The following CFAP95 variants were observed in gnomAD, a reference collection of about 807,000 sequenced individuals.
CFAP95 encodes the protein cilia- and flagella-associated protein 95.
At chr9:69,852,228 G>C in the CFAP95 span, among the ~76,000 whole-genome samples, 1 of 151,902 alleles carries the variant, frequency 6.6e-6, no homozygotes, top group African/African-American at 2.4e-5. Context: ...CTGCTTAACA[G>C]GCTAAAATAA....
chr9:69,863,504 G>A, the CFAP95 span, among the ~76,000 whole-genome samples: 1 of 152,126 alleles, frequency 6.6e-6, no homozygotes, highest in African/African-American at 2.4e-5. Context: ...TAATTTGAAA[G>A]TACTCTTTAT....
At chr9:69,897,548 G>T in the CFAP95 span, among the ~76,000 whole-genome samples, 1 of 152,024 alleles carries the variant, frequency 6.6e-6, no homozygotes, top group Non-Finnish European at 1.5e-5. Context: ...GAAATGAAAG[G>T]TCCTAAAGAA....
chr9:69,826,518 T>C, the CFAP95 span, among the ~76,000 whole-genome samples: 1 of 152,168 alleles, frequency 6.6e-6, no homozygotes, highest in African/African-American at 2.4e-5. Context: ...TAAGGACCCT[T>C]GGTAACAACA....
the CFAP95 span, among the ~76,000 whole-genome samples, chr9:69,859,300 T>A: frequency 6.6e-6 from 1 of 152,140 alleles, no homozygotes; most frequent in African/African-American, 2.4e-5. Context: ...ACTCTACCAT[T>A]GAATTATCTT....
the CFAP95 span, among the ~76,000 whole-genome samples, chr9:69,887,202 T>C: frequency 1.3e-5 from 2 of 152,376 alleles, no homozygotes; most frequent in South Asian, 4.1e-4. Flanking sequence ...CCACTTTCTA[T>C]TCATTTGTAT....
At chr9:69,855,774 A>G in the CFAP95 span, among the ~76,000 whole-genome samples, 1 of 152,206 alleles carries the variant, frequency 6.6e-6, no homozygotes, top group Non-Finnish European at 1.5e-5. Flanking sequence ...TATAACCATG[A>G]TACTCTTGCA....
the CFAP95 span, among the ~76,000 whole-genome samples, chr9:69,899,062 T>C: frequency 6.6e-6 from 1 of 152,214 alleles, no homozygotes; most frequent in African/African-American, 2.4e-5. Context: ...TAATGCCCAC[T>C]CATTCCACAC....
At chr9:69,881,480 G>A in the CFAP95 span, among the ~76,000 whole-genome samples, 5 of 152,164 alleles carry the variant, frequency 3.3e-5, no homozygotes, top group African/African-American at 9.7e-5. Flanking sequence ...CTGTAGGTGT[G>A]TGGATTTGTT....
the CFAP95 span, among the ~76,000 whole-genome samples, chr9:69,854,589 G>A: frequency 2.6e-5 from 4 of 152,288 alleles, no homozygotes; most frequent in South Asian, 8.3e-4. Context: ...TATACCAAGT[G>A]TTCTTCATTT....
chr9:69,849,898 T>TA, the CFAP95 span, among the ~76,000 whole-genome samples: 1 of 152,334 alleles, frequency 6.6e-6, no homozygotes, highest in East Asian at 1.9e-4. Context: ...TATAGTCTTT[T>TA]ACCTGGACTT....
At chr9:69,840,792 TTGGGGC>T in the CFAP95 span, among the ~76,000 whole-genome samples, 1 of 152,144 alleles carries the variant, frequency 6.6e-6, no homozygotes, top group African/African-American at 2.4e-5. Flanking sequence ...AGGGGCAGAT[TTGGGGC>T]TGTGAATCTC....
At chr9:69,830,954 C>T in the CFAP95 span, among the ~76,000 whole-genome samples, 2 of 152,290 alleles carry the variant, frequency 1.3e-5, no homozygotes, top group South Asian at 2.1e-4. Context: ...GCCATTGCAT[C>T]CAGACTTCTT....
chr9:69,894,147 A>T, the CFAP95 span, among the ~76,000 whole-genome samples: 3 of 152,198 alleles, frequency 2.0e-5, no homozygotes, highest in Admixed American at 1.3e-4. Flanking sequence ...CACATGTCAT[A>T]CATATGTGTG....
the CFAP95 span, chr9:69,902,399 T>C: frequency 2.3e-6 from 1 of 444,380 alleles, no homozygotes; most frequent in African/African-American, 2.0e-5. Context: ...GTGAGTGGGA[T>C]TACAAGGATA....
chr9:69,825,450 G>A, the CFAP95 span, among the ~76,000 whole-genome samples: 1 of 152,130 alleles, frequency 6.6e-6, no homozygotes, highest in Admixed American at 6.6e-5. Flanking sequence ...CTTTTTAGGG[G>A]ATACCTTTGG....
At chr9:69,833,870 A>G in the CFAP95 span, among the ~76,000 whole-genome samples, 1 of 152,184 alleles carries the variant, frequency 6.6e-6, no homozygotes. Flanking sequence ...CCTGAAGAAA[A>G]GCTTATTTGT....
the CFAP95 span, among the ~76,000 whole-genome samples, chr9:69,828,196 C>T: frequency 3.3e-5 from 5 of 152,290 alleles, no homozygotes; most frequent in Non-Finnish European, 5.9e-5. Context: ...ATCAATAATA[C>T]TCCATTTTTC....
the CFAP95 span, among the ~76,000 whole-genome samples, chr9:69,839,593 A>G: frequency 6.6e-6 from 1 of 150,832 alleles, no homozygotes; most frequent in Admixed American, 6.6e-5. Context: ...TGCCCAGCTA[A>G]TTTTCTGTAT....
the CFAP95 span, among the ~76,000 whole-genome samples, chr9:69,888,527 G>T: frequency 6.6e-6 from 1 of 152,114 alleles, no homozygotes; most frequent in African/African-American, 2.4e-5. Context: ...TAAACAATAT[G>T]AATTAAGACA....
Sources: allele counts gnomAD v4.1 joint callset (sites outside exome capture counted in the v4.1 genomes callset), GRCh38; gene constraint gnomAD v4.1.1; transcripts MANE v1.5; gene names NCBI Gene and HGNC (gene_info 2026-07-23, HGNC 2026-07-21).